Variants in ZNF385D observed in about 807,000 individuals in gnomAD.
The protein encoded by ZNF385D is zinc finger protein 659.
In ZNF385D, 15 loss-of-function variants were observed where a neutral mutation model predicts 35.8. That is an observed-to-expected ratio of 0.42 (90% CI 0.28 to 0.64). The LOEUF (loss-of-function observed/expected upper bound fraction) is 0.64, where lower values mean the gene tolerates loss of function less well. Among genes scored for constraint, ZNF385D ranks in the 30% least tolerant of loss-of-function variants. The pLI is 0.23. For synonymous variants in ZNF385D, 212 were observed against 186.8 expected, an observed-to-expected ratio of 1.13 and a Z score of -1.10; for missense variants, 474 against 494.6, an observed-to-expected ratio of 0.96 and a Z score of 0.39.
intron 3 of ZNF385D, among the ~76,000 whole-genome samples, chr3:21,872,130 C>A (rs1464782578): frequency 6.6e-6 from 1 of 152,010 alleles, no homozygotes; most frequent in Non-Finnish European, 1.5e-5. Flanking sequence ...TTGTAGAAGT[C>A]TTTGTACTTC....
chr3:22,365,603 T>G (rs1696622045), intron 2 of ZNF385D, among the ~76,000 whole-genome samples: 1 of 152,124 alleles, frequency 6.6e-6, no homozygotes, highest in Admixed American at 6.5e-5. Context: ...CTGTTCAATT[T>G]AACACACCAC....
At chr3:21,776,576 CTTGA>C (rs1002876558) in intron 3 of ZNF385D, among the ~76,000 whole-genome samples, 1 of 151,848 alleles carries the variant, frequency 6.6e-6, no homozygotes, top group African/African-American at 2.4e-5. Context: ...CTTCCTATCC[CTTGA>C]TTATTTTTCT....
intron 3 of ZNF385D, among the ~76,000 whole-genome samples, chr3:21,763,467 T>A (rs1298889892): frequency 6.6e-6 from 1 of 152,156 alleles, no homozygotes; most frequent in Admixed American, 6.5e-5. Context: ...AACAAATACA[T>A]CAGCTTTGAG....
chr3:22,125,345 T>C (rs779875974), intron 3 of ZNF385D, among the ~76,000 whole-genome samples: 5 of 152,126 alleles, frequency 3.3e-5, no homozygotes, highest in Admixed American at 1.3e-4. Flanking sequence ...AAGTCAGGTA[T>C]GTGATTCCTT....
chr3:21,808,875 C>G (rs1413778916), intron 3 of ZNF385D, among the ~76,000 whole-genome samples: 5 of 152,000 alleles, frequency 3.3e-5, no homozygotes, highest in Non-Finnish European at 7.4e-5. Context: ...CTGGGTAGCA[C>G]CAAAGTAGGA....
At chr3:21,947,222 T>C (rs1266410739) in intron 3 of ZNF385D, among the ~76,000 whole-genome samples, 2 of 152,184 alleles carry the variant, frequency 1.3e-5, no homozygotes, top group East Asian at 1.9e-4. Flanking sequence ...ATAAATACAA[T>C]AGCGAATTTA....
chr3:22,319,137 G>T (rs12497224), intron 2 of ZNF385D, among the ~76,000 whole-genome samples: 24,300 of 152,000 alleles, frequency 0.16, 2,613 homozygotes, highest in Non-Finnish European at 0.22. Flanking sequence ...TATCTTAAAA[G>T]ACAATAGATG....
rs546277733 is a variant in ZNF385D at position 21,850,808 on chromosome 3, A to G, written c.326-185780T>C. ...ACTGGCCTTAGGTAAAGGCTATACT[A>G]TACCTTTCCTAGTGGGCCTTAAAAA... is the stretch of plus-strand genomic sequence containing the variant. On this transcript the variant is annotated intron_variant, in intron 3 of 5. Coordinates refer to the ZNF385D transcript ENST00000494108. Among the ~76,000 whole-genome samples, 56 of 152,228 alleles carry G rather than the reference A, an allele frequency of 3.7e-4. 1 individual carries two copies. Among genetic ancestry groups the G allele is most frequent in the African/African-American group, 1.2e-3 (50 of 41,572 alleles).
rs11925149 is a variant in ZNF385D at position 21,993,641 on chromosome 3, A to G, written c.325+175176T>C. Among the ~76,000 whole-genome samples, 141 of 152,300 alleles carry G rather than the reference A, an allele frequency of 9.3e-4. 1 individual carries two copies. Among genetic ancestry groups the G allele is most frequent in the African/African-American group, 3.2e-3 (133 of 41,580 alleles). Reference sequence around the variant, plus strand: ...ATGAATAAAAACATCTAGTGGAATTACTTTTTTCTAAAAGAGCTATATCAT... The same window carrying G: ...ATGAATAAAAACATCTAGTGGAATTGCTTTTTTCTAAAAGAGCTATATCAT... On this transcript the variant is annotated intron_variant, in intron 3 of 5. Transcript: ENST00000494108.
intron 2 of ZNF385D, among the ~76,000 whole-genome samples, chr3:21,569,426 T>C (rs1322863232): frequency 9.3e-5 from 14 of 150,994 alleles, no homozygotes; most frequent in Admixed American, 2.0e-4. Flanking sequence ...TAGATCTTCC[T>C]CCATGCTTTT....
chr3:22,151,498 T>C (rs1414599715), intron 3 of ZNF385D, among the ~76,000 whole-genome samples: 1 of 152,118 alleles, frequency 6.6e-6, no homozygotes, highest in African/African-American at 2.4e-5. Flanking sequence ...CCAAATTCAC[T>C]CAATTTAAAT....
At chr3:21,720,112 T>C (rs902795330) in intron 1 of ZNF385D, among the ~76,000 whole-genome samples, 6 of 152,164 alleles carry the variant, frequency 3.9e-5, no homozygotes, top group Admixed American at 3.3e-4. Context: ...CTAATTTAAA[T>C]TGGTTGGGGG....
chr3:22,211,517 C>G (rs1183668056), intron 2 of ZNF385D, among the ~76,000 whole-genome samples: 1 of 151,924 alleles, frequency 6.6e-6, no homozygotes, highest in Non-Finnish European at 1.5e-5. Flanking sequence ...GTTTCAGAGA[C>G]TAGGCTCGGA....
At chr3:21,967,973 G>C (rs1703004212) in intron 3 of ZNF385D, among the ~76,000 whole-genome samples, 1 of 152,212 alleles carries the variant, frequency 6.6e-6, no homozygotes, top group Non-Finnish European at 1.5e-5. Flanking sequence ...AAAGTGGGTA[G>C]TTTTAACACC....
intron 3 of ZNF385D, among the ~76,000 whole-genome samples, chr3:22,115,175 C>G (rs1450174501): frequency 6.6e-6 from 1 of 152,006 alleles, no homozygotes; most frequent in Non-Finnish European, 1.5e-5. Context: ...GCCTGACAGA[C>G]AAGAAGTCAT....
chr3:22,194,543 CTG>C (rs2125231275), intron 2 of ZNF385D, among the ~76,000 whole-genome samples: 2 of 151,048 alleles, frequency 1.3e-5, no homozygotes, highest in East Asian at 3.9e-4. Context: ...GTAAAATTCA[CTG>C]TCATTTTTGT....
At chr3:21,990,587 T>C (rs1034423248) in intron 3 of ZNF385D, among the ~76,000 whole-genome samples, 2 of 152,224 alleles carry the variant, frequency 1.3e-5, no homozygotes, top group African/African-American at 4.8e-5. Flanking sequence ...TAATATATGA[T>C]GTATGTGCTA....
chr3:21,684,763 T>G (rs748838095), intron 1 of ZNF385D, among the ~76,000 whole-genome samples: 2 of 152,122 alleles, frequency 1.3e-5, no homozygotes, highest in Non-Finnish European at 2.9e-5. Context: ...TTCCAAAGAA[T>G]TTTCCATTTT....
intron 2 of ZNF385D, among the ~76,000 whole-genome samples, chr3:22,182,215 CAAT>C: frequency 6.6e-6 from 1 of 152,156 alleles, no homozygotes; most frequent in Admixed American, 6.6e-5. Flanking sequence ...AACTCTCTTG[CAAT>C]AATTAATATT....
Sources: allele counts gnomAD v4.1 joint callset (sites outside exome capture counted in the v4.1 genomes callset), GRCh38; gene constraint gnomAD v4.1.1; transcripts MANE v1.5; gene names NCBI Gene and HGNC (gene_info 2026-07-23, HGNC 2026-07-21).